The following LARS2 variants were observed in gnomAD, a reference collection of about 807,000 sequenced individuals.
LARS2 encodes the protein leucine--tRNA ligase, mitochondrial.
LARS2 carries 81 observed loss-of-function variants against 116.6 expected under a neutral mutation model. The ratio of observed to expected loss-of-function variants is 0.69; its 90% CI spans 0.58 to 0.84. The LOEUF (loss-of-function observed/expected upper bound fraction) is 0.84, where lower values mean the gene tolerates loss of function less well. LARS2 is among the 40% of genes least tolerant of loss of function. The probability of loss-of-function intolerance (pLI) is 0.00; values close to 1 mark genes in which losing one functional copy is unlikely to be tolerated. For synonymous variants in LARS2, 396 were observed against 407.2 expected, an observed-to-expected ratio of 0.97 and a Z score of 0.33; for missense variants, 968 against 1,114.5, an observed-to-expected ratio of 0.87 and a Z score of 1.87.
At chr3:45,451,346 T>A (rs1252878342) in intron 7 of LARS2, among the ~76,000 whole-genome samples, 1 of 152,198 alleles carries the variant, frequency 6.6e-6, no homozygotes, top group Non-Finnish European at 1.5e-5. Context: ...GGTCTTACAT[T>A]TAAGTCTTTA....
chr3:45,513,304 A>G (rs1700316718), intron 16 of LARS2, 69 bp downstream of exon 16: 1 of 1,023,398 alleles, frequency 9.8e-7, no homozygotes, highest in South Asian at 1.3e-5. Flanking sequence ...AGAGCTACTG[A>G]GCAAGCAGGC....
At chr3:45,474,404 T>C in intron 9 of LARS2, 54 bp downstream of exon 9, 1 of 1,208,360 alleles carries the variant, frequency 8.3e-7, no homozygotes, top group Admixed American at 1.9e-5. Context: ...TCCTCTACAT[T>C]TGGGACTCAC....
chr3:45,401,760 G>T (rs1698157038), intron 4 of LARS2, among the ~76,000 whole-genome samples: 1 of 152,164 alleles, frequency 6.6e-6, no homozygotes, highest in Middle Eastern at 3.4e-3. Context: ...GACTATAGGT[G>T]TGTGCCACCA....
chr3:45,527,718 C>T (rs1400563194), intron 20 of LARS2, among the ~76,000 whole-genome samples: 1 of 152,092 alleles, frequency 6.6e-6, no homozygotes, highest in South Asian at 2.1e-4. Flanking sequence ...TCATATCTGC[C>T]TAGAGAAGGG....
intron 10 of LARS2, among the ~76,000 whole-genome samples, chr3:45,483,229 C>G (rs2125724734): frequency 6.6e-6 from 1 of 152,246 alleles, no homozygotes; most frequent in East Asian, 1.9e-4. Flanking sequence ...ATACTGCTGT[C>G]TTTTGATTCA....
intron 1 of LARS2, among the ~76,000 whole-genome samples, chr3:45,389,825 C>G (rs1448659826): frequency 1.3e-5 from 2 of 152,164 alleles, no homozygotes; most frequent in African/African-American, 4.8e-5. Flanking sequence ...TCCTCGCTGT[C>G]AATAAGAGGC....
chr3:45,521,682 G>A (rs1278916192), intron 19 of LARS2, among the ~76,000 whole-genome samples: 3 of 151,978 alleles, frequency 2.0e-5, no homozygotes, highest in Admixed American at 2.0e-4. Flanking sequence ...TATAGAAATA[G>A]CCAATACATT....
chr3:45,538,528 C>T (rs1433278825), intron 20 of LARS2: 1 of 152,234 alleles, frequency 6.6e-6, no homozygotes, highest in Non-Finnish European at 1.5e-5. Context: ...TCTTCTTTCT[C>T]CTTCTGCCAA....
intron 4 of LARS2, among the ~76,000 whole-genome samples, chr3:45,400,633 A>G (rs190968976): frequency 1.2e-4 from 19 of 152,300 alleles, no homozygotes; most frequent in Admixed American, 1.2e-3. Flanking sequence ...AAAGGTAGAT[A>G]CAAATGTGGA....
intron 8 of LARS2, 51 bp from the exon 9 acceptor site, chr3:45,474,192 C>A: frequency 8.2e-7 from 1 of 1,218,438 alleles, no homozygotes; most frequent in Non-Finnish European, 1.2e-6. Flanking sequence ...TTTGCTTTTT[C>A]TTAAATAAGC....
At chr3:45,545,930 C>G (rs993332053) in intron 21 of LARS2, among the ~76,000 whole-genome samples, 16 of 151,434 alleles carry the variant, frequency 1.1e-4, no homozygotes, top group African/African-American at 3.9e-4. Flanking sequence ...AGGTTATTCA[C>G]TCCAGAATCT....
chr3:45,547,567 G>A lies in LARS2; in HGVS notation c.*37G>A, dbSNP rs751416752. Reference sequence around the variant, plus strand: ...CTGCAGCTACCACGAGGGCCTCTGAGGAACCTCCTTCCAGGCCTGGGATGA... The same window carrying A: ...CTGCAGCTACCACGAGGGCCTCTGAAGAACCTCCTTCCAGGCCTGGGATGA... On this transcript the variant is annotated 3_prime_UTR_variant, in exon 22 of 22. Coordinates refer to ENST00000645846, the MANE Select transcript of LARS2 (RefSeq NM_015340.4). 20 of 1,560,046 alleles carry A rather than the reference G, an allele frequency of 1.3e-5. No homozygotes were observed. In the Admixed American group the frequency reaches 1.9e-4, roughly 15 times the overall value.
rs934776551 is a variant in LARS2 at position 45,525,009 on chromosome 3, T to G, written c.2404+901T>G. ...GTTGACAGAGTATTGCCTGTGTCTC[T>G]CACAAAGCCTTGTTTATTGCCTTCT... On this transcript the variant is annotated intron_variant, in intron 20 of 21. Coordinates refer to ENST00000645846, the MANE Select transcript of LARS2 (RefSeq NM_015340.4). 1.3e-5 allele frequency among the ~76,000 whole-genome samples: 2 copies of G among 152,358 alleles called. 1 individual carries two copies. Among genetic ancestry groups the G allele is most frequent in the Admixed American group, 1.3e-4 (2 of 15,306 alleles).
intron 4 of LARS2, among the ~76,000 whole-genome samples, chr3:45,413,852 G>A (rs1182799170): frequency 1.3e-5 from 2 of 152,198 alleles, no homozygotes. Flanking sequence ...ATTGCAAGAT[G>A]CACCTAGGTT....
chr3:45,401,614 C>T (rs1355460391), intron 4 of LARS2, among the ~76,000 whole-genome samples: 8 of 152,084 alleles, frequency 5.3e-5, no homozygotes, highest in Admixed American at 4.6e-4. Flanking sequence ...TTACCCCCCG[C>T]CTGCTTTTTA....
At chr3:45,529,396 A>G (rs1025907176) in intron 20 of LARS2, among the ~76,000 whole-genome samples, 1 of 151,992 alleles carries the variant, frequency 6.6e-6, no homozygotes, top group African/African-American at 2.4e-5. Flanking sequence ...CTAAAAATAC[A>G]AAATTAGCCG....
At chr3:45,509,155 G>A (rs1437003716) in intron 15 of LARS2, among the ~76,000 whole-genome samples, 1 of 152,092 alleles carries the variant, frequency 6.6e-6, no homozygotes, top group African/African-American at 2.4e-5. Context: ...CAGAGGCCCT[G>A]CCTAATACTC....
chr3:45,467,656 G>GA lies in LARS2; in HGVS notation c.751-6583dup, dbSNP rs1699448204. Reference sequence around the variant, plus strand: ...CATGTCCCAGTGTCAGAGTTTTTGGGAAAATGTATGTCTTAGAGTGAATAG... The same window carrying GA: ...CATGTCCCAGTGTCAGAGTTTTTGGGAAAAATGTATGTCTTAGAGTGAATAG... On this transcript the variant is annotated intron_variant, in intron 8 of 21. Coordinates refer to ENST00000645846, the MANE Select transcript of LARS2 (RefSeq NM_015340.4). Among the ~76,000 whole-genome samples, 13 of 152,246 alleles carry GA rather than the reference G, an allele frequency of 8.5e-5. No individual in the cohort carries two copies. In the South Asian group the frequency reaches 2.7e-3, roughly 32 times the overall value.
intron 15 of LARS2, among the ~76,000 whole-genome samples, chr3:45,501,471 A>T (rs1700119961): frequency 6.6e-6 from 1 of 152,116 alleles, no homozygotes; most frequent in Admixed American, 6.5e-5. Flanking sequence ...GTTTTTTGAG[A>T]TTCAGCAGTG....
Sources: gnomAD v4.1 joint callset for allele counts (sites outside exome capture counted in the v4.1 genomes callset) on GRCh38, gnomAD v4.1.1 for gene constraint, MANE v1.5 for transcripts, NCBI Gene and HGNC (gene_info 2026-07-23, HGNC 2026-07-21) for gene names.